Variants in NUB1 observed in about 807,000 individuals in gnomAD.
NUB1 encodes negative regulator of ubiquitin like proteins 1, also known as NEDD8 ultimate buster 1.
A neutral mutation model predicts 77.1 loss-of-function variants in NUB1; 41 were observed. That is an observed-to-expected ratio of 0.53 (90% confidence interval 0.41 to 0.69). The LOEUF (loss-of-function observed/expected upper bound fraction) is 0.69, where lower values mean the gene tolerates loss of function less well. Among genes scored for constraint, NUB1 ranks in the 30% least tolerant of loss-of-function variants. The pLI is 0.00. For synonymous variants in NUB1, 257 were observed against 281.0 expected, an observed-to-expected ratio of 0.91 and a Z score of 0.85; for missense variants, 643 against 743.8, an observed-to-expected ratio of 0.86 and a Z score of 1.58.
intron 10 of NUB1, 107 bp from the exon 11 acceptor site, chr7:151,368,628 C>T (rs998456448): frequency 3.1e-6 from 4 of 1,274,400 alleles, no homozygotes; most frequent in Middle Eastern, 5.7e-4. Context: ...AAATCTGATG[C>T]CTTTTAATTC....
chr7:151,367,172 C>T (rs757176212), intron 9 of NUB1, 47 bp downstream of exon 9: 19 of 1,491,238 alleles, frequency 1.3e-5, no homozygotes, highest in Non-Finnish European at 1.7e-5. Context: ...CCATTTCTAG[C>T]ATTTGTGTTT....
At chr7:151,373,866 G>A (rs1798077058) in intron 11 of NUB1, among the ~76,000 whole-genome samples, 2 of 151,988 alleles carry the variant, frequency 1.3e-5, no homozygotes, top group Non-Finnish European at 2.9e-5. Context: ...CCTGCCCCAC[G>A]GGCATCTCAC....
At chr7:151,351,203 C>A (rs1563012646) in intron 3 of NUB1, 3 of 535,480 alleles carry the variant, frequency 5.6e-6, no homozygotes, top group Non-Finnish European at 9.9e-6. Context: ...TCTGAGCAGC[C>A]CTGCCTGGTG....
chr7:151,358,677 A>G (rs113342970), intron 7 of NUB1, among the ~76,000 whole-genome samples: 1 of 152,340 alleles, frequency 6.6e-6, no homozygotes, highest in African/African-American at 2.4e-5. Context: ...CCTAGTGCCA[A>G]AAGGTTGGGA....
chr7:151,348,700 C>G (rs772536569), intron 2 of NUB1, among the ~76,000 whole-genome samples: 4 of 151,294 alleles, frequency 2.6e-5, no homozygotes, highest in Non-Finnish European at 2.9e-5. Context: ...CTCAGCCCCC[C>G]AAGTAGCTGG....
At chr7:151,358,276 T>A (rs1191118442) in intron 7 of NUB1, among the ~76,000 whole-genome samples, 1 of 152,058 alleles carries the variant, frequency 6.6e-6, no homozygotes, top group Non-Finnish European at 1.5e-5. Flanking sequence ...CCGGCCAATG[T>A]TTGTCTTTTG....
At chr7:151,363,826 G>A (rs1237541618) in intron 8 of NUB1, among the ~76,000 whole-genome samples, 1 of 151,984 alleles carries the variant, frequency 6.6e-6, no homozygotes, top group Non-Finnish European at 1.5e-5. Flanking sequence ...CGCCCAGGCT[G>A]TAGTGCAGTG....
intron 9 of NUB1, 49 bp from the exon 10 acceptor site, chr7:151,367,812 G>A (rs1797765834): frequency 2.5e-6 from 3 of 1,199,958 alleles, no homozygotes; most frequent in Non-Finnish European, 2.4e-6. Flanking sequence ...TTATAGACCT[G>A]TAATTAGAAA....
chr7:151,368,332 A>T (rs1048434546), intron 10 of NUB1, among the ~76,000 whole-genome samples: 1 of 152,192 alleles, frequency 6.6e-6, no homozygotes, highest in Non-Finnish European at 1.5e-5. Context: ...AGAGCAGGCC[A>T]CTGGAGAGAT....
intron 7 of NUB1, among the ~76,000 whole-genome samples, 191 bp downstream of exon 7, chr7:151,356,413 G>A (rs566611804): frequency 1.8e-4 from 27 of 152,302 alleles, no homozygotes; most frequent in Middle Eastern, 6.8e-3. Flanking sequence ...GCTTTTCAGC[G>A]CATTAGTACA....
intron 8 of NUB1, among the ~76,000 whole-genome samples, chr7:151,363,450 G>A (rs1350046449): frequency 4.5e-4 from 51 of 112,594 alleles, no homozygotes; most frequent in Non-Finnish European, 7.3e-4. Flanking sequence ...ACAGAGAAAA[G>A]GCTAAAAAAA....
In NUB1 at chr7:151,377,495, A is replaced by G. The variant is rs1458359381; in HGVS notation, c.*270A>G. 2 of 260,506 alleles carry G rather than the reference A, an allele frequency of 7.7e-6. No homozygotes were observed. The highest frequency in any genetic ancestry group is 1.5e-5 in the Non-Finnish European group (2 of 137,034). 16.1% of individuals were successfully genotyped at this position (260,506 alleles called of 1,614,324 possible). ...TTCCCCAGCTTGGTGTTTTACCCCG[A>G]AACAGGAAGGAACAGGGGTCCTGTA... On this transcript the variant is annotated 3_prime_UTR_variant, in exon 15 of 15. Transcript: ENST00000568733.
rs371909121 is a variant in NUB1, at chr7:151,349,169, A to G, written c.214A>G (p.Thr72Ala). The G allele has an allele frequency of 3.1e-6, 5 of 1,613,724 alleles. No homozygotes were observed. The highest frequency in any genetic ancestry group is 3.4e-6 in the Non-Finnish European group (4 of 1,179,786). ...EIRCKAIERG[T>A]GNDNYRTTGI... ...ACGTTGCAAGGCAATTGAGCGTGGA[A>G]CAGGAAATGACAATTATAGAACAAC... is the stretch of plus-strand genomic sequence containing the variant. Residue 72 changes from threonine to alanine, a missense_variant, in exon 3 of 15, where the codon ACA becomes GCA. Coordinates refer to ENST00000568733, the MANE Select transcript of NUB1 (RefSeq NM_001243351.2).
chr7:151,373,412 G>A (rs1798048283), intron 11 of NUB1, among the ~76,000 whole-genome samples: 1 of 152,210 alleles, frequency 6.6e-6, no homozygotes, highest in Admixed American at 6.5e-5. Context: ...GGCCCTGGGT[G>A]GGAGAGGTGA....
chr7:151,376,773 CTT>C lies in NUB1; in HGVS notation c.1633_1634del (p.Leu545ValfsTer9). ...GAGCTGCCGCTGTCGCCAGAAGACT[CTT>C]TGTCCCCGCCAGCCACGTCCCCTTC... is the stretch of plus-strand genomic sequence containing the variant. On this transcript the variant is annotated frameshift_variant, in exon 14 of 15. Coordinates refer to ENST00000568733, the MANE Select transcript of NUB1 (RefSeq NM_001243351.2). LOFTEE classifies it high-confidence loss of function. The C allele has an allele frequency of 2.5e-6, 4 of 1,593,540 alleles. No homozygotes were observed. Among genetic ancestry groups the C allele is most frequent in the Non-Finnish European group, 2.6e-6 (3 of 1,171,192 alleles).
chr7:151,355,484 G>T (rs1381803403), intron 5 of NUB1, among the ~76,000 whole-genome samples: 1 of 152,110 alleles, frequency 6.6e-6, no homozygotes, highest in African/African-American at 2.4e-5. Context: ...GACAAGCTGG[G>T]CAACATAGTG....
intron 5 of NUB1, 30 bp from the exon 6 acceptor site, chr7:151,355,738 T>G (rs1249074348): frequency 6.5e-7 from 1 of 1,528,806 alleles, no homozygotes; most frequent in African/African-American, 1.4e-5. Context: ...AATGGCTTTT[T>G]AAAATAATAG....
chr7:151,351,088 TG>T (rs1282660732), intron 3 of NUB1: 23 of 278,998 alleles, frequency 8.2e-5, no homozygotes, highest in African/African-American at 4.8e-4. Context: ...TGCCAGGGGC[TG>T]GGGGGCAAAG....
At chr7:151,363,535 T>C (rs1210107008) in intron 8 of NUB1, among the ~76,000 whole-genome samples, 1 of 151,354 alleles carries the variant, frequency 6.6e-6, no homozygotes, top group African/African-American at 2.4e-5. Flanking sequence ...TTGGAGTCCC[T>C]GGAAAGGCAG....
Sources: gnomAD v4.1 joint callset for allele counts (sites outside exome capture counted in the v4.1 genomes callset) on GRCh38, gnomAD v4.1.1 for gene constraint, MANE v1.5 for transcripts, NCBI Gene and HGNC (gene_info 2026-07-23, HGNC 2026-07-21) for gene names.